ABCA4: variants seen among roughly 807,000 people sequenced by gnomAD.
The protein encoded by ABCA4 is ATP binding cassette subfamily A member 4.
ABCA4 carries 196 observed loss-of-function variants against 263.7 expected under a neutral mutation model. That is an observed-to-expected ratio of 0.74 (90% CI 0.66 to 0.84). The LOEUF (loss-of-function observed/expected upper bound fraction) is 0.84. Among genes scored for constraint, ABCA4 ranks in the 40% least tolerant of loss-of-function variants. The pLI is 0.00. For missense variants in ABCA4, 2,792 were observed against 2,855.1 expected (o/e 0.98, Z 0.50); for synonymous variants, 1,133 against 1,094.2 (o/e 1.04, Z -0.70).
chr1:94,060,488 A>G lies in ABCA4; in HGVS notation c.2160+49T>C, dbSNP rs56197337. The stretch of plus-strand genomic sequence containing the variant: ...GGCACATGAACAGGAGGAAAGGGGA[A>G]AGGAACCAAAGTATTCAAGATTTTC... On this transcript the variant is annotated intron_variant, in intron 14 of 49. Coordinates refer to ENST00000370225, the MANE Select transcript of ABCA4 (RefSeq NM_000350.3). 77,321 of 1,560,890 alleles carry G rather than the reference A, an allele frequency of 0.05. 2,075 individuals carry two copies. The highest frequency in any genetic ancestry group is 0.072 in the Admixed American group (4,322 of 59,896).
intron 43 of ABCA4, among the ~76,000 whole-genome samples, chr1:94,006,655 A>G (rs1659397029): frequency 6.6e-6 from 1 of 152,162 alleles, no homozygotes; most frequent in East Asian, 1.9e-4. Context: ...CCTTTTCTGT[A>G]AACCCAGTAG....
intron 44 of ABCA4, 67 bp from the exon 45 acceptor site, chr1:94,002,059 A>G: frequency 6.2e-7 from 1 of 1,611,020 alleles, no homozygotes; most frequent in Non-Finnish European, 8.5e-7. Context: ...CCCAGTTCAA[A>G]GCCTTGGGCT....
chr1:94,033,229 G>GT (rs1660252066), intron 26 of ABCA4, among the ~76,000 whole-genome samples: 1 of 152,030 alleles, frequency 6.6e-6, no homozygotes, highest in Non-Finnish European at 1.5e-5. Flanking sequence ...AGATCAGCCT[G>GT]TACAACATAG....
chr1:94,037,427 C>A, intron 24 of ABCA4, 77 bp from the exon 25 acceptor site: 1 of 1,255,766 alleles, frequency 8.0e-7, no homozygotes, highest in Non-Finnish European at 1.2e-6. Flanking sequence ...AGATTTCCTA[C>A]TTCTCTCCAC....
chr1:94,005,442 T>G lies in ABCA4; in HGVS notation c.6146A>C (p.Lys2049Thr), dbSNP rs760481450. ...TGGCCACAACAAAACATTTTTCACC[T>G]TTTCGATTTCTTCTGCTGGTACACC... ...LRGVPAEEIE[K>T]VANWSIKSLG... The change falls in exon 44 of 50, where the codon AAG becomes ACG. Residue 2049 changes from lysine to threonine, a missense_variant and splice_region_variant. Physicochemically the swap from Lys to Thr is moderately conservative, Grantham distance 78. Coordinates refer to ENST00000370225, the MANE Select transcript of ABCA4 (RefSeq NM_000350.3). 3.7e-6 allele frequency: 6 copies of G among 1,614,010 alleles called. No homozygotes were observed. The African/African-American group carries it at 8.0e-5, about 22-fold the overall frequency.
At chr1:94,055,040 A>G in intron 16 of ABCA4, 71 bp downstream of exon 16, 1 of 1,410,952 alleles carries the variant, frequency 7.1e-7, no homozygotes, top group Admixed American at 1.7e-5. Context: ...TGAAATTTAA[A>G]CTAGATGAAT....
chr1:93,998,666 A>G (rs574205433), intron 47 of ABCA4, among the ~76,000 whole-genome samples: 82 of 151,964 alleles, frequency 5.4e-4, no homozygotes, highest in Middle Eastern at 3.4e-3. Flanking sequence ...GTAATGTGGG[A>G]TAATCGTACT....
At chr1:94,086,496 T>G (rs1433110423) in intron 6 of ABCA4, among the ~76,000 whole-genome samples, 1 of 152,128 alleles carries the variant, frequency 6.6e-6, no homozygotes, top group East Asian at 1.9e-4. Flanking sequence ...ACTAATTCAA[T>G]TAATCGTATT....
At chr1:94,103,413 T>G (rs899959028) in intron 4 of ABCA4, among the ~76,000 whole-genome samples, 1 of 152,174 alleles carries the variant, frequency 6.6e-6, no homozygotes, top group Non-Finnish European at 1.5e-5. Context: ...GGGGTTGGTC[T>G]AGGACAGTGC....
chr1:94,029,273 C>T (rs900987141), intron 30 of ABCA4, among the ~76,000 whole-genome samples, 172 bp downstream of exon 30: 1 of 152,148 alleles, frequency 6.6e-6, no homozygotes, highest in Non-Finnish European at 1.5e-5. Context: ...AGTTGGCAGC[C>T]ACAGCGCCCT....
intron 35 of ABCA4, 134 bp downstream of exon 35, chr1:94,021,106 G>T (rs1482146859): frequency 2.4e-6 from 3 of 1,234,196 alleles, no homozygotes; most frequent in East Asian, 4.6e-5. Flanking sequence ...TTGAAAGTCG[G>T]ATGTTCATAT....
chr1:94,112,002 G>T lies in ABCA4; in HGVS notation c.161-423C>A, dbSNP rs994620220. ...AGCATGCAGTAGGGCTGCAGGTTAT[G>T]GGCTCCTCGGGGAGAGGTAAAGAAG... is the stretch of plus-strand genomic sequence containing the variant. On this transcript the variant is annotated intron_variant, in intron 2 of 49. Transcript: ENST00000370225. 3.6e-4 allele frequency among the ~76,000 whole-genome samples: 55 copies of T among 152,330 alleles called. No individual in the cohort carries two copies. The Middle Eastern group carries it at 0.02, about 57-fold the overall frequency.
At chr1:94,116,976 T>TTCTTTCTTTCTTTCTA (rs1557812251) in intron 1 of ABCA4, among the ~76,000 whole-genome samples, 3 of 96,704 alleles carry the variant, frequency 3.1e-5, no homozygotes, top group Non-Finnish European at 4.4e-5. Flanking sequence ...TTCTCTTTCT[T>TTCTTTCTTTCTTTCTA]TCTTTCTTTC....
chr1:94,003,229 C>T (rs1360973056), intron 44 of ABCA4, among the ~76,000 whole-genome samples: 1 of 152,158 alleles, frequency 6.6e-6, no homozygotes, highest in Non-Finnish European at 1.5e-5. Context: ...TTCTCTTCTG[C>T]ACAAGATGTA....
intron 4 of ABCA4, among the ~76,000 whole-genome samples, chr1:94,103,704 G>A (rs1161956475): frequency 6.6e-6 from 1 of 152,216 alleles, no homozygotes; most frequent in African/African-American, 2.4e-5. Context: ...TCACAGGGTA[G>A]AGGACCCCTC....
intron 4 of ABCA4, among the ~76,000 whole-genome samples, chr1:94,107,443 A>T (rs1384651985): frequency 2.0e-5 from 3 of 152,228 alleles, no homozygotes; most frequent in African/African-American, 7.2e-5. Flanking sequence ...CCCTCTAGCC[A>T]TCCACAGAGG....
intron 47 of ABCA4, among the ~76,000 whole-genome samples, chr1:93,998,848 C>T (rs1220227370): frequency 6.6e-6 from 1 of 151,262 alleles, no homozygotes; most frequent in Admixed American, 6.6e-5. Flanking sequence ...AAGCAATTCT[C>T]CTGCCTCAGT....
intron 11 of ABCA4, among the ~76,000 whole-genome samples, chr1:94,065,042 G>A (rs1490782049): frequency 3.9e-5 from 6 of 152,108 alleles, no homozygotes; most frequent in Non-Finnish European, 7.3e-5. Flanking sequence ...TCATTTTACT[G>A]AAGAGGAAAC....
At chr1:94,075,527 C>T (rs1661517186) in intron 11 of ABCA4, among the ~76,000 whole-genome samples, 1 of 152,134 alleles carries the variant, frequency 6.6e-6, no homozygotes, top group Non-Finnish European at 1.5e-5. Context: ...GAGGGTCACA[C>T]ACTCTGGAAA....
Sources: gnomAD v4.1 joint callset for allele counts (sites outside exome capture counted in the v4.1 genomes callset) on GRCh38, gnomAD v4.1.1 for gene constraint, MANE v1.5 for transcripts, NCBI Gene and HGNC (gene_info 2026-07-23, HGNC 2026-07-21) for gene names.